Variants in SCTR observed in about 807,000 individuals in gnomAD.
The protein encoded by SCTR is secretin receptor.
Under a neutral mutation model 60.8 loss-of-function variants are expected in SCTR, and 56 were observed. The observed-to-expected ratio is 0.92, with a 90% CI of 0.74 to 1.15. SCTR has a LOEUF of 1.15. Ranked by LOEUF, SCTR falls within the 50% of genes most tolerant of loss-of-function variation. The probability of loss-of-function intolerance (pLI) is 0.00; values close to 1 mark genes in which losing one functional copy is unlikely to be tolerated. For missense variants in SCTR, 562 were observed against 550.4 expected (o/e 1.02, Z -0.21); for synonymous variants, 202 against 217.0 (o/e 0.93, Z 0.61).
intron 9 of SCTR, among the ~76,000 whole-genome samples, chr2:119,450,681 C>T (rs1683128621): frequency 6.6e-6 from 1 of 151,654 alleles, no homozygotes; most frequent in Non-Finnish European, 1.5e-5. Flanking sequence ...TTAAAAAATA[C>T]ATTTTGTGCC....
At chr2:119,446,944 G>C in intron 10 of SCTR, 59 bp from the exon 11 acceptor site, 2 of 1,369,976 alleles carry the variant, frequency 1.5e-6, no homozygotes, top group East Asian at 2.7e-5. Context: ...TTCTCCTCCT[G>C]TAGGCACACA....
At chr2:119,502,987 T>TA (rs35814848) in intron 1 of SCTR, among the ~76,000 whole-genome samples, 4,511 of 144,480 alleles carry the variant, frequency 0.031, 245 homozygotes, top group African/African-American at 0.11. Flanking sequence ...TCATCTCTAC[T>TA]AAAAAAAAAA....
chr2:119,495,851 C>T (rs1678326689), intron 1 of SCTR, among the ~76,000 whole-genome samples: 1 of 152,236 alleles, frequency 6.6e-6, no homozygotes, highest in South Asian at 2.1e-4. Flanking sequence ...GTTGCAGAAA[C>T]ACCTGGGCCC....
At chr2:119,479,141 A>C (rs1312928164) in intron 2 of SCTR, 1 of 1,297,680 alleles carries the variant, frequency 7.7e-7, no homozygotes, top group African/African-American at 1.5e-5. Context: ...GATAGAAGGA[A>C]GTAAGAAAGG....
chr2:119,508,095 G>A (rs997613985), intron 1 of SCTR, among the ~76,000 whole-genome samples: 67 of 152,146 alleles, frequency 4.4e-4, no homozygotes, highest in African/African-American at 1.4e-3. Flanking sequence ...CAACTAAGGC[G>A]TGCCCATGAG....
chr2:119,478,549 T>G (rs113220056), intron 3 of SCTR, among the ~76,000 whole-genome samples: 2,601 of 152,268 alleles, frequency 0.017, 18 homozygotes, highest in Non-Finnish European at 0.025. Context: ...CTGAAGGGCC[T>G]GGGGAAGACA....
chr2:119,467,105 C>T (rs1018038684), intron 4 of SCTR, among the ~76,000 whole-genome samples: 5 of 152,146 alleles, frequency 3.3e-5, no homozygotes, highest in South Asian at 2.1e-4. Flanking sequence ...TCTGGCCAGG[C>T]ATGGTGGCTC....
At chr2:119,450,575 A>G (rs1683124815) in intron 9 of SCTR, among the ~76,000 whole-genome samples, 1 of 152,242 alleles carries the variant, frequency 6.6e-6, no homozygotes, top group Admixed American at 6.5e-5. Context: ...TTTGAAAAAG[A>G]AAAGTATGTC....
chr2:119,473,373 C>A lies in SCTR; in HGVS notation c.405+80G>T, dbSNP rs1352261304. On this transcript the variant is annotated intron_variant, in intron 4 of 12. Coordinates refer to ENST00000019103, the MANE Select transcript of SCTR (RefSeq NM_002980.3). Reference sequence around the variant, plus strand: ...CAGGCCTGTGCCACCCTGTCCTCTCCCAGGGCCTCCTCTCCCAGGGCCTCC... The same window carrying A: ...CAGGCCTGTGCCACCCTGTCCTCTCACAGGGCCTCCTCTCCCAGGGCCTCC... 33 of 975,266 alleles carry A rather than the reference C, an allele frequency of 3.4e-5. 1 individual carries two copies. The highest frequency in any genetic ancestry group is 7.5e-5 in the Admixed American group (4 of 53,396). 60.4% of individuals were successfully genotyped at this position (975,266 alleles called of 1,614,324 possible).
At chr2:119,494,586 T>C in intron 1 of SCTR, 38 bp from the exon 2 acceptor site, 4 of 1,610,346 alleles carry the variant, frequency 2.5e-6, no homozygotes, top group East Asian at 2.2e-5. Context: ...TCATTGCCAC[T>C]AACTCAATTT....
At position 119,465,848 on chromosome 2, in the gene SCTR, C is replaced by T. The variant is rs1384625316; in HGVS notation, c.444G>A (p.Val148=). 8 of 1,613,884 alleles carry T rather than the reference C, an allele frequency of 5.0e-6. No individual in the cohort carries two copies. In the Admixed American group the frequency reaches 5.0e-5, roughly 10 times the overall value. ...YLLKLKVMYT[V]GYSSSLVMLL... ...GCATGACCAGGGAGGAGCTGTAGCC[C>T]ACGGTGTACATGACTTTCAGCTTCA... is the stretch of plus-strand genomic sequence containing the variant. Residue 148 remains valine (V), a synonymous_variant, in exon 5 of 13, where the codon GTG becomes GTA. Coordinates refer to ENST00000019103, the MANE Select transcript of SCTR (RefSeq NM_002980.3).
chr2:119,512,571 A>G (rs1034526192), intron 1 of SCTR, among the ~76,000 whole-genome samples: 1 of 148,644 alleles, frequency 6.7e-6, no homozygotes, highest in Non-Finnish European at 1.5e-5. Flanking sequence ...TAATTTTTGT[A>G]TTTTTAGTAG....
intron 1 of SCTR, among the ~76,000 whole-genome samples, chr2:119,518,405 C>A (rs112301392): frequency 6.9e-6 from 1 of 145,282 alleles, no homozygotes; most frequent in Non-Finnish European, 1.5e-5. Flanking sequence ...ATCAGGAGCA[C>A]GCCTAAGAGC....
At chr2:119,457,678 A>G (rs1346018020) in intron 7 of SCTR, among the ~76,000 whole-genome samples, 1 of 147,442 alleles carries the variant, frequency 6.8e-6, no homozygotes, top group African/African-American at 2.5e-5. Flanking sequence ...GAACCACTGC[A>G]CTCCAGCTTG....
intron 4 of SCTR, among the ~76,000 whole-genome samples, chr2:119,472,829 A>G (rs2587700): frequency 0.69 from 104,676 of 151,522 alleles, 39,324 homozygotes; most frequent in East Asian, 0.87. Context: ...TTTTTTGTAG[A>G]TCCAATGTTT....
At chr2:119,497,285 C>T (rs529231642) in intron 1 of SCTR, among the ~76,000 whole-genome samples, 3 of 151,902 alleles carry the variant, frequency 2.0e-5, no homozygotes, top group East Asian at 3.9e-4. Flanking sequence ...AGAGTGGGAA[C>T]GTTGGACTTC....
At chr2:119,518,013 GT>G (rs1246407811) in intron 1 of SCTR, among the ~76,000 whole-genome samples, 1 of 152,090 alleles carries the variant, frequency 6.6e-6, no homozygotes, top group East Asian at 1.9e-4. Context: ...CCAGAAAGGT[GT>G]TTCCCTCCCC....
Position 119,444,882 on chromosome 2 carries a change from CAT to C in SCTR, c.1140+1875_1140+1876del, listed in dbSNP as rs1331656776. ...ATATATTCGTACGAATATATATACA[CAT>C]ATATTCGTACGAATATATATACATA... On this transcript the variant is annotated intron_variant, in intron 11 of 12. Transcript: ENST00000019103. Among the ~76,000 whole-genome samples, 12 of 12,430 alleles carry C rather than the reference CAT, an allele frequency of 9.7e-4. 5 individuals are homozygous for C. Among genetic ancestry groups the C allele is most frequent in the Non-Finnish European group, 1.7e-3 (12 of 7,254 alleles). 8.2% of individuals were successfully genotyped at this position (12,430 alleles called of 152,430 possible). A position where few individuals can be genotyped will look rare whatever the true frequency, so the allele number is the denominator to read the frequency against.
At chr2:119,445,093 A>T (rs1191743313) in intron 11 of SCTR, among the ~76,000 whole-genome samples, 1 of 151,836 alleles carries the variant, frequency 6.6e-6, no homozygotes. Flanking sequence ...TCTTGGCAAG[A>T]CATTTTCCTA....
Sources: gnomAD v4.1 joint callset for allele counts (sites outside exome capture counted in the v4.1 genomes callset) on GRCh38, gnomAD v4.1.1 for gene constraint, MANE v1.5 for transcripts, NCBI Gene and HGNC (gene_info 2026-07-23, HGNC 2026-07-21) for gene names.